The following OTUD7A variants were observed in gnomAD, a reference collection of about 807,000 sequenced individuals.
The protein encoded by OTUD7A is OTU deubiquitinase 7A.
OTUD7A carries 12 observed loss-of-function variants against 65.7 expected under a neutral mutation model. The ratio of observed to expected loss-of-function variants is 0.18; its 90% CI spans 0.12 to 0.30. The LOEUF (loss-of-function observed/expected upper bound fraction) is 0.30, where lower values mean the gene tolerates loss of function less well. Ranked by LOEUF, OTUD7A falls within the 10% of genes least tolerant of loss-of-function variation. The pLI is 1.00. For synonymous variants in OTUD7A, 641 were observed against 586.3 expected (o/e 1.09, Z -1.35); for missense variants, 1,148 against 1,304.8 (o/e 0.88, Z 1.85).
chr15:31,714,697 A>C (rs984958259), intron 1 of OTUD7A, among the ~76,000 whole-genome samples: 4 of 152,202 alleles, frequency 2.6e-5, no homozygotes, highest in Non-Finnish European at 2.9e-5. Context: ...ACATTTTTGA[A>C]AAACAGCATT....
intron 3 of OTUD7A, among the ~76,000 whole-genome samples, chr15:31,621,998 G>T (rs1890802082): frequency 6.6e-6 from 1 of 152,128 alleles, no homozygotes; most frequent in Admixed American, 6.6e-5. Context: ...TGTCTGTAAA[G>T]GATTTATTTC....
chr15:31,865,290 G>A (rs1241614762), intron 1 of OTUD7A, among the ~76,000 whole-genome samples: 11 of 152,192 alleles, frequency 7.2e-5, no homozygotes, highest in Admixed American at 2.0e-4. Context: ...AATAACACAC[G>A]TTGTCTTGAA....
rs570765905 is a variant in OTUD7A at position 31,483,237 on chromosome 15, C to T, written c.*57G>A. ...AGGGCATGTAAAAAAGACACCGACA[C>T]AATGGAAAAGAAATCCTCGAAGGTA... is the stretch of plus-strand genomic sequence containing the variant. On this transcript the variant is annotated 3_prime_UTR_variant, in exon 13 of 13. Transcript: ENST00000307050. The T allele has an allele frequency of 1.2e-4, 123 of 1,057,468 alleles. No homozygotes were observed. The highest frequency in any genetic ancestry group is 7.8e-4 in the East Asian group (10 of 12,786). The allele number at this position is 1,057,468 out of a possible 1,614,324, so 65.5% of individuals were successfully genotyped here.
chr15:31,661,269 T>G (rs1483113589), intron 1 of OTUD7A, among the ~76,000 whole-genome samples: 1 of 152,206 alleles, frequency 6.6e-6, no homozygotes. Flanking sequence ...TTACATGCAT[T>G]GAAATGATAT....
At chr15:31,819,211 T>C (rs1388578525) in intron 1 of OTUD7A, among the ~76,000 whole-genome samples, 1 of 152,218 alleles carries the variant, frequency 6.6e-6, no homozygotes, top group Non-Finnish European at 1.5e-5. Context: ...ATTGCTGTTA[T>C]AAATCACAAA....
intron 1 of OTUD7A, among the ~76,000 whole-genome samples, chr15:31,684,164 A>G (rs772498897): frequency 1.2e-4 from 19 of 152,176 alleles, no homozygotes; most frequent in Non-Finnish European, 2.1e-4. Context: ...AAGCCTCCCT[A>G]ATCAATGGCC....
intron 3 of OTUD7A, among the ~76,000 whole-genome samples, chr15:31,642,508 A>T (rs1009554305): frequency 6.6e-6 from 1 of 152,186 alleles, no homozygotes; most frequent in African/African-American, 2.4e-5. Flanking sequence ...ATGAAGCTAT[A>T]GATGCTTGCA....
At position 31,484,303 on chromosome 15, in the gene OTUD7A, G is replaced by A; in HGVS notation, c.1793C>T (p.Pro598Leu). ...TSPSEKTTPS[P>L]TDKAAGASPA... ...CGACGCGCCCGCTGCCTTGTCTGTGGGCGACGGCGTGGTCTTTTCCGACGG... is the reference window on the plus strand; with the variant it reads ...CGACGCGCCCGCTGCCTTGTCTGTGAGCGACGGCGTGGTCTTTTCCGACGG... The change falls in exon 13 of 13, where the codon CCC (proline) becomes CTC (leucine). Residue 598 changes from proline to leucine, a missense_variant. Physicochemically the swap from Pro to Leu is moderately conservative, Grantham distance 98. This residue lies in a region of OTUD7A where 842 missense variants were observed against 769.5 expected (regional missense o/e 1.09). Transcript: ENST00000307050. This position sits in a 1 kb window ranked among gnomAD's most constrained non-coding sequence, Gnocchi z 4.5. 6.3e-7 allele frequency: 1 copy of A among 1,596,284 alleles called. No homozygotes were observed. Among genetic ancestry groups the A allele is most frequent in the Middle Eastern group, 1.7e-4 (1 of 6,054 alleles).
At chr15:31,756,605 T>C (rs914622069) in intron 1 of OTUD7A, among the ~76,000 whole-genome samples, 3 of 149,102 alleles carry the variant, frequency 2.0e-5, no homozygotes, top group Non-Finnish European at 4.4e-5. Context: ...AGGACAGGAA[T>C]GCATAAAAAC....
chr15:31,718,617 C>T (rs959250530), intron 1 of OTUD7A, among the ~76,000 whole-genome samples: 3 of 148,086 alleles, frequency 2.0e-5, no homozygotes, highest in East Asian at 1.9e-4. Flanking sequence ...TCTGCAAACA[C>T]ATCATGCTTC....
chr15:31,778,197 A>G (rs763324435), intron 1 of OTUD7A, among the ~76,000 whole-genome samples: 7 of 152,176 alleles, frequency 4.6e-5, no homozygotes, highest in Non-Finnish European at 7.3e-5. Context: ...AAGGAACTCA[A>G]TAGCCCATAC....
chr15:31,628,675 A>C (rs1232492535), intron 3 of OTUD7A, among the ~76,000 whole-genome samples: 1 of 152,062 alleles, frequency 6.6e-6, no homozygotes, highest in East Asian at 1.9e-4. Flanking sequence ...TCTATAAATT[A>C]CCTTGGGCAG....
chr15:31,633,593 T>C (rs912991607), intron 3 of OTUD7A, among the ~76,000 whole-genome samples: 6 of 152,146 alleles, frequency 3.9e-5, no homozygotes, highest in African/African-American at 1.4e-4. Flanking sequence ...ACCAAGTCCC[T>C]AAGGGACAGC....
chr15:31,733,224 A>G (rs1894095683), intron 1 of OTUD7A, among the ~76,000 whole-genome samples: 1 of 152,226 alleles, frequency 6.6e-6, no homozygotes, highest in African/African-American at 2.4e-5. Context: ...GGCTGAGAAC[A>G]GAGCCCAGCT....
At chr15:31,539,212 T>G (rs531364885) in intron 5 of OTUD7A, among the ~76,000 whole-genome samples, 1 of 152,114 alleles carries the variant, frequency 6.6e-6, no homozygotes, top group Non-Finnish European at 1.5e-5. Flanking sequence ...CACACCCCAA[T>G]TCCTTTCCCT....
At chr15:31,855,455 AG>A (rs755355228) in intron 1 of OTUD7A, among the ~76,000 whole-genome samples, 8 of 152,252 alleles carry the variant, frequency 5.3e-5, no homozygotes, top group Non-Finnish European at 8.8e-5. Context: ...GGAGGAAAAC[AG>A]AGCCAGGGAT....
At chr15:31,621,241 C>G (rs1301027828) in intron 3 of OTUD7A, among the ~76,000 whole-genome samples, 1 of 152,098 alleles carries the variant, frequency 6.6e-6, no homozygotes. Flanking sequence ...AATGTATATT[C>G]TGTCGATTTG....
At chr15:31,693,876 C>T (rs1893015034) in intron 1 of OTUD7A, among the ~76,000 whole-genome samples, 2 of 152,206 alleles carry the variant, frequency 1.3e-5, no homozygotes, top group Non-Finnish European at 2.9e-5. Flanking sequence ...TGCTTTGTCC[C>T]TGCATCACCA....
At chr15:31,665,433 C>A (rs568055093) in intron 1 of OTUD7A, among the ~76,000 whole-genome samples, 10 of 152,134 alleles carry the variant, frequency 6.6e-5, no homozygotes, top group African/African-American at 1.9e-4. Context: ...GTTATAAAAA[C>A]GGTTGAGTTA....
Sources: gnomAD v4.1 joint callset for allele counts (sites outside exome capture counted in the v4.1 genomes callset) on GRCh38, gnomAD v4.1.1 for gene constraint, gnomAD v4.1.1 regional missense constraint, Gnocchi (gnomAD v3.1) non-coding constraint, MANE v1.5 for transcripts, NCBI Gene and HGNC (gene_info 2026-07-23, HGNC 2026-07-21) for gene names.